Variants in REV1 observed in about 807,000 individuals in gnomAD.
REV1 encodes translesion synthesis protein REV1.
REV1 carries 42 observed loss-of-function variants against 137.4 expected under a neutral mutation model. The ratio of observed to expected loss-of-function variants is 0.31; its 90% CI spans 0.24 to 0.40. The LOEUF (loss-of-function observed/expected upper bound fraction) is 0.40. Among genes scored for constraint, REV1 ranks in the 10% least tolerant of loss-of-function variants. The probability of loss-of-function intolerance (pLI) is 1.00; values close to 1 mark genes in which losing one functional copy is unlikely to be tolerated. For synonymous variants in REV1, 524 were observed against 519.2 expected (o/e 1.01, Z -0.12); for missense variants, 1,282 against 1,490.1 (o/e 0.86, Z 2.30).
intron 1 of REV1, among the ~76,000 whole-genome samples, chr2:99,479,326 CAAAAAAAAA>C (rs60839666): frequency 5.2e-5 from 5 of 96,856 alleles, no homozygotes; most frequent in African/African-American, 1.9e-4. Flanking sequence ...GACTCTGTCT[CAAAAAAAAA>C]AAAAAAAAAC....
chr2:99,446,821 A>G (rs906889851), intron 4 of REV1, among the ~76,000 whole-genome samples: 3 of 151,956 alleles, frequency 2.0e-5, no homozygotes, highest in African/African-American at 7.2e-5. Flanking sequence ...AAGTAAATCA[A>G]TTCCCCCCAG....
In REV1 at chr2:99,424,031, C is replaced by T; in HGVS notation, c.1676+121G>A. 9 of 1,056,370 alleles carry T rather than the reference C, an allele frequency of 8.5e-6. No homozygotes were observed. In the South Asian group the frequency reaches 1.3e-4, roughly 16 times the overall value. 65.4% of individuals were successfully genotyped at this position (1,056,370 alleles called of 1,614,324 possible). On this transcript the variant is annotated intron_variant, in intron 10 of 22. Transcript: ENST00000258428. ...CAAACTGGGATGCTGAGGAGTGGTT[C>T]CTGGAAGATAAAATTCTAACAAAAG...
At chr2:99,449,984 G>A (rs1180480044) in intron 3 of REV1, among the ~76,000 whole-genome samples, 2 of 151,862 alleles carry the variant, frequency 1.3e-5, no homozygotes, top group African/African-American at 4.8e-5. Context: ...TTACTGTAGG[G>A]CTTATTAGTA....
intron 3 of REV1, chr2:99,451,651 T>C (rs1682936315): frequency 6.9e-6 from 3 of 435,676 alleles, no homozygotes; most frequent in Non-Finnish European, 1.3e-5. Context: ...GCTGTTACAA[T>C]GAAATTAGTC....
rs1676219534 is a variant in REV1 at position 99,405,913 on chromosome 2, G to A, written c.2808C>T (p.Ser936=). 6.5e-7 allele frequency: 1 copy of A among 1,528,456 alleles called. No homozygotes were observed. Among genetic ancestry groups the A allele is most frequent in the South Asian group, 1.3e-5 (1 of 76,370 alleles). 94.7% of individuals were successfully genotyped at this position (1,528,456 alleles called of 1,614,324 possible). A position where few individuals can be genotyped will look rare whatever the true frequency, so the allele number is the denominator to read the frequency against. The part of the protein sequence containing the change: ...LNLSIEVPSP[S]QLDQSVLEAL... The stretch of plus-strand genomic sequence containing the variant: ...ATTTAGGACTACAAAAATGTACCTG[G>A]GAAGGTGACGGGACCTCTATACTCA... Residue 936 remains serine (S), a synonymous_variant, in exon 17 of 23, where the codon TCC becomes TCT. Transcript: ENST00000258428.
intron 2 of REV1, among the ~76,000 whole-genome samples, chr2:99,464,392 A>T (rs1318431446): frequency 1.3e-5 from 2 of 152,216 alleles, no homozygotes; most frequent in African/African-American, 4.8e-5. Flanking sequence ...TGGGGAAGAA[A>T]ATTAAAACTG....
At chr2:99,458,975 AAGGTGGGCAGATCACGAGGTC>A (rs1683843045) in intron 3 of REV1, among the ~76,000 whole-genome samples, 1 of 151,956 alleles carries the variant, frequency 6.6e-6, no homozygotes, top group African/African-American at 2.4e-5. Context: ...TTGGGAGGCC[AAGGTGGGCAGATCACGAGGTC>A]AGGAGATCAA....
At chr2:99,473,503 G>C (rs1685644435) in intron 1 of REV1, among the ~76,000 whole-genome samples, 1 of 152,142 alleles carries the variant, frequency 6.6e-6, no homozygotes, top group East Asian at 1.9e-4. Context: ...TCTAAACCAA[G>C]CCAACAGTTC....
At chr2:99,465,914 A>G (rs187558629) in intron 1 of REV1, among the ~76,000 whole-genome samples, 1 of 152,230 alleles carries the variant, frequency 6.6e-6, no homozygotes, top group Non-Finnish European at 1.5e-5. Context: ...CACACACATT[A>G]GCAGATAATT....
chr2:99,444,612 C>G (rs1406977046), intron 4 of REV1, among the ~76,000 whole-genome samples: 1 of 152,162 alleles, frequency 6.6e-6, no homozygotes, highest in African/African-American at 2.4e-5. Context: ...CAGATATCCT[C>G]AGAGATACTC....
At chr2:99,485,122 G>A (rs1010287077) in intron 1 of REV1, among the ~76,000 whole-genome samples, 3 of 152,158 alleles carry the variant, frequency 2.0e-5, no homozygotes, top group African/African-American at 7.2e-5. Flanking sequence ...TTCAGACTGA[G>A]AAATGAAATA....
chr2:99,421,461 A>T, intron 11 of REV1, 38 bp downstream of exon 11: 3 of 1,559,140 alleles, frequency 1.9e-6, no homozygotes, highest in Non-Finnish European at 2.6e-6. Flanking sequence ...AGAATCTCAA[A>T]GCAACTCTTT....
rs1676591121 is a variant in REV1, at chr2:99,408,045, A to G, written c.2432T>C (p.Ile811Thr). The change falls in exon 15 of 23, where the codon ATA becomes ACA. Residue 811 changes from isoleucine (I) to threonine (T), a missense_variant. By Grantham distance (89) the Ile-to-Thr change is moderately conservative. This residue lies in a region of REV1 where 372 missense variants were observed against 482.3 expected (regional missense o/e 0.77). Transcript: ENST00000258428. ...LNMFHTMKLN[I>T]SDMRGVGIHV... ...TATACTTACCCCTCTCATATCTGAT[A>G]TATTTAGTTTCATTGTATGAAACAT... The G allele has an allele frequency of 6.3e-7, 1 of 1,587,962 alleles. No individual in the cohort carries two copies. The highest frequency in any genetic ancestry group is 1.3e-5 in the African/African-American group (1 of 74,104).
chr2:99,488,393 CG>C (rs2104341901), intron 1 of REV1, among the ~76,000 whole-genome samples: 1 of 119,090 alleles, frequency 8.4e-6, no homozygotes, highest in South Asian at 2.4e-4. Flanking sequence ...TAAATATGTA[CG>C]GTTTACCGTA....
chr2:99,490,114 G>GCCC (rs1285227594), upstream of REV1: 9 of 48,660 alleles, frequency 1.8e-4, no homozygotes, highest in Admixed American at 7.3e-4. Context: ...CAGCCGCGCG[G>GCCC]CGCACGCGCT....
intron 14 of REV1, 42 bp from the exon 15 acceptor site, chr2:99,408,173 T>C (rs1559288620): frequency 8.5e-7 from 1 of 1,170,928 alleles, no homozygotes; most frequent in Non-Finnish European, 1.3e-6. Flanking sequence ...TCATTCCATA[T>C]GTATTCACTA....
chr2:99,408,999 C>T (rs1263054873), intron 14 of REV1, among the ~76,000 whole-genome samples: 2 of 152,096 alleles, frequency 1.3e-5, no homozygotes, highest in Non-Finnish European at 2.9e-5. Flanking sequence ...ATAGAAATAA[C>T]CACTAAAAGC....
At position 99,449,443 on chromosome 2, in the gene REV1, A is replaced by G; in HGVS notation, c.243T>C (p.Tyr81=). The G allele has an allele frequency of 6.4e-7, 1 of 1,569,416 alleles. No homozygotes were observed. The highest frequency in any genetic ancestry group is 8.6e-7 in the Non-Finnish European group (1 of 1,160,514). ...MMLHGGQYHV[Y]YSRSKTTHII... The stretch of plus-strand genomic sequence containing the variant: ...TATGTGTTGTTTTAGATCTGGAATA[A>G]TATACATGGTATTGACCTCCATGCA... The change falls in exon 4 of 23, where the codon TAT becomes TAC. Residue 81 remains tyrosine, a synonymous_variant. Coordinates refer to ENST00000258428, the MANE Select transcript of REV1 (RefSeq NM_016316.4).
chr2:99,481,095 A>G (rs916898698), intron 1 of REV1, among the ~76,000 whole-genome samples: 3 of 152,258 alleles, frequency 2.0e-5, no homozygotes, highest in African/African-American at 4.8e-5. Flanking sequence ...CTAAAATTCA[A>G]AACAGCAATT....
Sources: gnomAD v4.1 joint callset for allele counts (sites outside exome capture counted in the v4.1 genomes callset) on GRCh38, gnomAD v4.1.1 for gene constraint, gnomAD v4.1.1 regional missense constraint, MANE v1.5 for transcripts, NCBI Gene and HGNC (gene_info 2026-07-23, HGNC 2026-07-21) for gene names.